Variants in ZNF845 observed in about 807,000 individuals in gnomAD.
ZNF845 encodes the protein zinc finger protein 845.
In ZNF845, 59 loss-of-function variants were observed where a neutral mutation model predicts 76.1. The observed-to-expected ratio is 0.78, with a 90% CI of 0.63 to 0.96. The LOEUF is 0.96. Ranked by LOEUF, ZNF845 falls within the 40% of genes least tolerant of loss-of-function variation. The probability of loss-of-function intolerance (pLI) is 0.00; values close to 1 mark genes in which losing one functional copy is unlikely to be tolerated. For missense variants in ZNF845, 1,045 were observed against 1,172.8 expected (o/e 0.89, Z 1.59); for synonymous variants, 361 against 386.9 (o/e 0.93, Z 0.78).
chr19:53,356,023 A>G lies in ZNF845; in HGVS notation c.*2435A>G, dbSNP rs1392500551. On this transcript the variant is annotated 3_prime_UTR_variant, in exon 4 of 4. Coordinates refer to ENST00000458035, the MANE Select transcript of ZNF845 (RefSeq NM_138374.3). ...TCCCTTTTTATATCCTCTTGAATAC[A>G]GTTTGCTAGTATAAGGGTCTTCAAG... 6.6e-6 allele frequency: 1 copy of G among 152,210 alleles called. No homozygotes were observed. The highest frequency in any genetic ancestry group is 1.5e-5 in the Non-Finnish European group (1 of 68,046). 9.4% of individuals were successfully genotyped at this position (152,210 alleles called of 1,614,324 possible). A position where few individuals can be genotyped will look rare whatever the true frequency, so the allele number is the denominator to read the frequency against.
rs1389069047 is a variant in ZNF845, at chr19:53,353,332, C to G, written c.2657C>G (p.Pro886Arg). The change falls in exon 4 of 4, where the codon CCT becomes CGT. Residue 886 changes from proline to arginine, a missense_variant. By Grantham distance (103) the Pro-to-Arg change is moderately radical (BLOSUM62 -2). Transcript: ENST00000458035. ...CATAGACTTCATACTGGAGAGAAAC[C>G]TTACAAGTGTAATAAATGTGGTAAG... ...RHHRLHTGEK[P>R]YKCNKCGKVF... 8.1e-6 allele frequency: 13 copies of G among 1,610,644 alleles called. No homozygotes were observed. The highest frequency in any genetic ancestry group is 1.1e-5 in the Non-Finnish European group (13 of 1,179,028).
rs1206026591 is a variant in ZNF845 at position 53,354,048 on chromosome 19, A to G, written c.*460A>G. On this transcript the variant is annotated 3_prime_UTR_variant, in exon 4 of 4. Coordinates refer to ENST00000458035, the MANE Select transcript of ZNF845 (RefSeq NM_138374.3). ...AAGGTCTTCAGTCTAGCTTCATCTT[A>G]TGCAAAACAGGAGACTTCATACAGG... The G allele has an allele frequency of 2.1e-6, 1 of 478,226 alleles. No homozygotes were observed. The highest frequency in any genetic ancestry group is 4.0e-6 in the Non-Finnish European group (1 of 250,034). 29.6% of individuals were successfully genotyped at this position (478,226 alleles called of 1,614,324 possible). A position where few individuals can be genotyped will look rare whatever the true frequency, so the allele number is the denominator to read the frequency against.
At chr19:53,337,473 T>A (rs1465175053) in intron 1 of ZNF845, among the ~76,000 whole-genome samples, 1 of 152,170 alleles carries the variant, frequency 6.6e-6, no homozygotes, top group East Asian at 1.9e-4. Context: ...CTCTGTCTTC[T>A]AGGTTCAAGC....
intron 2 of ZNF845, among the ~76,000 whole-genome samples, chr19:53,341,607 G>T (rs2085257555): frequency 6.6e-6 from 1 of 151,974 alleles, no homozygotes; most frequent in Admixed American, 6.6e-5. Context: ...CTGTTGGGCA[G>T]CAGGGATTGT....
intron 1 of ZNF845, among the ~76,000 whole-genome samples, chr19:53,338,437 C>T (rs111306952): frequency 6.6e-5 from 10 of 152,226 alleles, no homozygotes; most frequent in Middle Eastern, 3.4e-3. Context: ...GTAGGTGATG[C>T]GCTCAGCGTC....
At chr19:53,350,677 TA>T in intron 3 of ZNF845, 140 bp from the exon 4 acceptor site, 1 of 1,125,006 alleles carries the variant, frequency 8.9e-7, no homozygotes, top group Non-Finnish European at 1.2e-6. Context: ...TGATGAATCT[TA>T]CCCTTTTGCG....
At chr19:53,345,453 A>T (rs1363014661) in intron 2 of ZNF845, 53 bp from the exon 3 acceptor site, 1 of 1,612,574 alleles carries the variant, frequency 6.2e-7, no homozygotes, top group Non-Finnish European at 8.5e-7. Context: ...CATTTCGTGT[A>T]AAGATAAGAA....
At chr19:53,336,280 G>A (rs1399353855) in intron 1 of ZNF845, among the ~76,000 whole-genome samples, 2 of 151,354 alleles carry the variant, frequency 1.3e-5, no homozygotes, top group Admixed American at 6.6e-5. Context: ...CACTTTGGGA[G>A]CCAATCACCT....
intron 1 of ZNF845, 130 bp from the exon 2 acceptor site, chr19:53,341,105 C>A: frequency 1.1e-6 from 1 of 876,068 alleles, no homozygotes; most frequent in Non-Finnish European, 1.7e-6. Context: ...AGGAGTTTAT[C>A]GTCCCTGGTA....
At chr19:53,337,132 C>G (rs761294694) in intron 1 of ZNF845, 6 of 456,924 alleles carry the variant, frequency 1.3e-5, no homozygotes, top group South Asian at 7.7e-5. Context: ...CTGTCTCTGC[C>G]CCAGTCATAT....
rs1003777744 is a variant in ZNF845 at position 53,356,858 on chromosome 19, G to A, written c.*3270G>A. ...GCAGGAGAATGGCGTGAACCCAGGG[G>A]GGCGGAACCTGCAGTGAGCCGAGAT... is the stretch of plus-strand genomic sequence containing the variant. On this transcript the variant is annotated 3_prime_UTR_variant, in exon 4 of 4. Coordinates refer to ENST00000458035, the MANE Select transcript of ZNF845 (RefSeq NM_138374.3). 3 of 149,048 alleles carry A rather than the reference G, an allele frequency of 2.0e-5. No individual in the cohort carries two copies. The highest frequency in any genetic ancestry group is 4.3e-4 in the South Asian group (2 of 4,646). 9.2% of individuals were successfully genotyped at this position (149,048 alleles called of 1,614,324 possible). A position where few individuals can be genotyped will look rare whatever the true frequency, so the allele number is the denominator to read the frequency against.
Position 53,354,132 on chromosome 19 carries a change from A to G in ZNF845, c.*544A>G. 1.5e-6 allele frequency: 1 copy of G among 653,694 alleles called. No homozygotes were observed. The highest frequency in any genetic ancestry group is 2.6e-6 in the Non-Finnish European group (1 of 377,910). The allele number at this position is 653,694 out of a possible 1,614,324, so 40.5% of individuals were successfully genotyped here. A position where few individuals can be genotyped will look rare whatever the true frequency, so the allele number is the denominator to read the frequency against. On this transcript the variant is annotated 3_prime_UTR_variant, in exon 4 of 4. Coordinates refer to ENST00000458035, the MANE Select transcript of ZNF845 (RefSeq NM_138374.3). ...AGCCTTTACTTCACGTTCACACCTA[A>G]TTAGACATCAGAGAATCCATACTGG... is the stretch of plus-strand genomic sequence containing the variant.
At chr19:53,345,077 C>A (rs1014769212) in intron 2 of ZNF845, among the ~76,000 whole-genome samples, 1 of 152,036 alleles carries the variant, frequency 6.6e-6, no homozygotes, top group African/African-American at 2.4e-5. Flanking sequence ...CAGCACTTTG[C>A]GAGGCCGAGG....
chr19:53,350,146 AT>A (rs765548942), intron 3 of ZNF845, among the ~76,000 whole-genome samples: 4 of 118,746 alleles, frequency 3.4e-5, no homozygotes, highest in East Asian at 2.2e-4. Context: ...TAACTTTTTA[AT>A]TTTTTTTTCG....
chr19:53,344,644 T>TGTTATGTTA (rs1347350507), intron 2 of ZNF845, among the ~76,000 whole-genome samples: 34 of 150,924 alleles, frequency 2.3e-4, no homozygotes, highest in South Asian at 4.2e-4. Flanking sequence ...TTTTATTTTA[T>TGTTATGTTA]TTTGGGATGG....
At position 53,353,880 on chromosome 19, in the gene ZNF845, C is replaced by G; in HGVS notation, c.*292C>G. On this transcript the variant is annotated 3_prime_UTR_variant, in exon 4 of 4. Transcript: ENST00000458035. ...CACAAAGTCTTCAGTAACACTACAA[C>G]CGTTTCAAATCATTGGAGAATCCAT... The G allele has an allele frequency of 8.8e-7, 1 of 1,141,368 alleles. No homozygotes were observed. The highest frequency in any genetic ancestry group is 1.2e-6 in the Non-Finnish European group (1 of 810,302). The allele number at this position is 1,141,368 out of a possible 1,614,324, so 70.7% of individuals were successfully genotyped here.
rs576694524 is a variant in ZNF845, at chr19:53,343,193, TTTC to T, written c.15+1877_15+1879del. Among the ~76,000 whole-genome samples, 60 of 152,308 alleles carry T rather than the reference TTTC, an allele frequency of 3.9e-4. No homozygotes were observed. In the South Asian group the frequency reaches 5.6e-3, roughly 14 times the overall value. On this transcript the variant is annotated intron_variant, in intron 2 of 3. Transcript: ENST00000458035. ...TCAAGTAGACCCCAATGTCTGTTGT[TTTC>T]TTCTTTGTGTTCCAGTAAATATTTT...
rs752292123 is a variant in ZNF845, at chr19:53,351,062, G to C, written c.387G>C (p.Arg129Ser). ...LTGSTNRHDQ[R>S]HAGNKPIKDQ... ...GTAGTACAAACCGACATGATCAAAG[G>C]CATGCTGGAAACAAGCCTATTAAAG... The change falls in exon 4 of 4, where the codon AGG (arginine) becomes AGC (serine). Residue 129 changes from arginine (R) to serine (S), a missense_variant. Arg to Ser is a moderately radical substitution (Grantham distance 110). Transcript: ENST00000458035. 16 of 1,614,048 alleles carry C rather than the reference G, an allele frequency of 9.9e-6. No homozygotes were observed. The highest frequency in any genetic ancestry group is 1.4e-5 in the Non-Finnish European group (16 of 1,180,024).
chr19:53,344,855 T>A (rs552406270), intron 2 of ZNF845, among the ~76,000 whole-genome samples: 104 of 152,058 alleles, frequency 6.8e-4, no homozygotes, highest in Admixed American at 8.5e-4. Flanking sequence ...GTCAGGCAAG[T>A]CTTGAACTCC....
Sources: gnomAD v4.1 joint callset for allele counts (sites outside exome capture counted in the v4.1 genomes callset) on GRCh38, gnomAD v4.1.1 for gene constraint, MANE v1.5 for transcripts, NCBI Gene and HGNC (gene_info 2026-07-23, HGNC 2026-07-21) for gene names.